Variants in DNAH5 observed in about 807,000 individuals in gnomAD.
DNAH5 encodes dynein axonemal heavy chain 5.
Under a neutral mutation model 518.2 loss-of-function variants are expected in DNAH5, and 372 were observed. The observed-to-expected ratio is 0.72, with a 90% CI of 0.66 to 0.78. The LOEUF is 0.78. Among genes scored for constraint, DNAH5 ranks in the 30% least tolerant of loss-of-function variants. The pLI is 0.00. For synonymous variants in DNAH5, 2,039 were observed against 2,025.9 expected, an observed-to-expected ratio of 1.01 and a Z score of -0.17; for missense variants, 5,523 against 5,687.0, an observed-to-expected ratio of 0.97 and a Z score of 0.93.
intron 1 of DNAH5, among the ~76,000 whole-genome samples, chr5:13,977,881 A>G (rs1403184050): frequency 1.3e-5 from 2 of 152,176 alleles, no homozygotes; most frequent in African/African-American, 4.8e-5. Flanking sequence ...CCACTGGGAA[A>G]GAGTCTCAAA....
chr5:13,807,211 C>T (rs1486409402), intron 47 of DNAH5, among the ~76,000 whole-genome samples: 11 of 152,092 alleles, frequency 7.2e-5, no homozygotes, highest in Non-Finnish European at 1.3e-4. Context: ...TTACAAAGTG[C>T]CTAGCCTAAA....
At chr5:13,893,641 C>A (rs1281517619) in intron 16 of DNAH5, among the ~76,000 whole-genome samples, 3 of 151,994 alleles carry the variant, frequency 2.0e-5, no homozygotes, top group South Asian at 2.1e-4. Flanking sequence ...AATTAAACAG[C>A]CTGATATTCA....
intron 38 of DNAH5, among the ~76,000 whole-genome samples, chr5:13,828,247 C>A (rs1044745009): frequency 6.6e-6 from 1 of 152,046 alleles, no homozygotes; most frequent in African/African-American, 2.4e-5. Flanking sequence ...TTAGGTTGAA[C>A]CTGTGGGTAT....
At chr5:13,809,446 G>A (rs1760237939) in intron 45 of DNAH5, among the ~76,000 whole-genome samples, 1 of 152,168 alleles carries the variant, frequency 6.6e-6, no homozygotes, top group African/African-American at 2.4e-5. Flanking sequence ...GTTTTCAATA[G>A]CATGAAATAT....
chr5:13,764,051 G>A (rs1038623855), intron 59 of DNAH5, among the ~76,000 whole-genome samples: 3 of 152,214 alleles, frequency 2.0e-5, no homozygotes, highest in Admixed American at 6.5e-5. Flanking sequence ...GAGCAATGCT[G>A]AATTGAAAAC....
intron 50 of DNAH5, 43 bp downstream of exon 50, chr5:13,791,951 T>G (rs754165812): frequency 6.9e-7 from 1 of 1,451,884 alleles, no homozygotes. Context: ...AATATATCAT[T>G]AATAGCAATG....
At chr5:13,733,708 T>C (rs559194350) in intron 68 of DNAH5, among the ~76,000 whole-genome samples, 17 of 152,182 alleles carry the variant, frequency 1.1e-4, no homozygotes, top group Admixed American at 2.6e-4. Context: ...GATATATATA[T>C]ACACACACAC....
At position 13,900,361 on chromosome 5, in the gene DNAH5, C is replaced by G; in HGVS notation, c.2104G>C (p.Gly702Arg). 6.2e-7 allele frequency: 1 copy of G among 1,614,158 alleles called. No homozygotes were observed. Among genetic ancestry groups the G allele is most frequent in the African/African-American group, 1.3e-5 (1 of 75,036 alleles). The change falls in exon 15 of 79, where the codon GGC (glycine) becomes CGC (arginine). Residue 702 changes from glycine to arginine, a missense_variant. This residue lies in a region of DNAH5 where 5,121 missense variants were observed against 5,223.3 expected (regional missense o/e 0.98). Coordinates refer to ENST00000265104, the MANE Select transcript of DNAH5 (RefSeq NM_001369.3). ...AAGTTTACAAACAATTCCCCTGTGC[C>G]TGGAGCCTTCACCAATAATGAAGCC... ...LEASLLVKAP[G>R]TGELFVNFDP...
intron 40 of DNAH5, among the ~76,000 whole-genome samples, chr5:13,821,025 T>C (rs1265575047): frequency 6.6e-6 from 1 of 152,058 alleles, no homozygotes; most frequent in Non-Finnish European, 1.5e-5. Flanking sequence ...TTAATTCTTC[T>C]TAAAAATGAT....
chr5:13,691,693 C>T lies in DNAH5; in HGVS notation c.*291G>A, dbSNP rs771015963. ...TGCTTACCCTAGTCAGTCTTCGGAG[C>T]GAAGTAAGAAGAAAATATACTACTG... On this transcript the variant is annotated 3_prime_UTR_variant, in exon 79 of 79. Transcript: ENST00000265104. 47 of 381,948 alleles carry T rather than the reference C, an allele frequency of 1.2e-4. No individual in the cohort carries two copies. Among genetic ancestry groups the T allele is most frequent in the Middle Eastern group, 7.8e-4 (1 of 1,290 alleles). The allele number at this position is 381,948 out of a possible 1,614,324, so 23.7% of individuals were successfully genotyped here.
chr5:13,975,693 A>T (rs2152061449), intron 1 of DNAH5, among the ~76,000 whole-genome samples: 1 of 152,304 alleles, frequency 6.6e-6, no homozygotes, highest in South Asian at 2.1e-4. Flanking sequence ...TGTCTAGTGG[A>T]TACTGAAGAT....
intron 16 of DNAH5, among the ~76,000 whole-genome samples, chr5:13,892,578 G>C (rs1376818258): frequency 1.3e-5 from 2 of 152,036 alleles, no homozygotes; most frequent in African/African-American, 4.8e-5. Context: ...AAACATAATA[G>C]AAAACAAGAA....
At chr5:13,905,678 T>G (rs1775197868) in intron 12 of DNAH5, among the ~76,000 whole-genome samples, 1 of 152,178 alleles carries the variant, frequency 6.6e-6, no homozygotes, top group African/African-American at 2.4e-5. Flanking sequence ...CCAGTGGGAA[T>G]GCAAAATGGT....
At chr5:13,807,414 T>C (rs909490037) in intron 47 of DNAH5, among the ~76,000 whole-genome samples, 177 bp downstream of exon 47, 14 of 152,238 alleles carry the variant, frequency 9.2e-5, no homozygotes, top group Non-Finnish European at 1.9e-4. Flanking sequence ...AGATGTTATA[T>C]TCTAACTAGG....
rs1744698005 is a variant in DNAH5 at position 13,719,072 on chromosome 5, A to C, written c.12309T>G (p.His4103Gln). 6.2e-7 allele frequency: 1 copy of C among 1,614,022 alleles called. No individual in the cohort carries two copies. Among genetic ancestry groups the C allele is most frequent in the African/African-American group, 1.3e-5 (1 of 74,932 alleles). Residue 4103 changes from histidine (H) to glutamine (Q), a missense_variant, in exon 72 of 79, where the codon CAT becomes CAG. Physicochemically the swap from His to Gln is conservative, Grantham distance 24. This residue lies in a region of DNAH5 where 5,121 missense variants were observed against 5,223.3 expected (regional missense o/e 0.98). Coordinates refer to ENST00000265104, the MANE Select transcript of DNAH5 (RefSeq NM_001369.3). ...GCTCATCCATGAAATCAAGTCCCAGATGGCAGTTCTGCAGAAGTGCCCATC... is the reference window on the plus strand; with the variant it reads ...GCTCATCCATGAAATCAAGTCCCAGCTGGCAGTTCTGCAGAAGTGCCCATC... The part of the protein sequence containing the change: ...NGGWALLQNC[H>Q]LGLDFMDELM...
At chr5:13,847,777 T>A (rs1424811170) in intron 31 of DNAH5, among the ~76,000 whole-genome samples, 1 of 150,188 alleles carries the variant, frequency 6.7e-6, no homozygotes, top group African/African-American at 2.5e-5. Context: ...CATGTGTGTG[T>A]GTGTGTCTGT....
intron 12 of DNAH5, among the ~76,000 whole-genome samples, chr5:13,903,386 T>G (rs1322471497): frequency 6.6e-6 from 1 of 151,882 alleles, no homozygotes; most frequent in African/African-American, 2.4e-5. Flanking sequence ...TTGGAAATCT[T>G]GGAAGAAGAA....
At chr5:13,804,105 A>G (rs541750816) in intron 47 of DNAH5, among the ~76,000 whole-genome samples, 1 of 152,328 alleles carries the variant, frequency 6.6e-6, no homozygotes, top group South Asian at 2.1e-4. Flanking sequence ...AAAAATTAAT[A>G]TTAGTTCGGG....
rs1740721418 is a variant in DNAH5 at position 13,691,777 on chromosome 5, A to G, written c.*207T>C. ...TAAATTTACTTTTATATCACTAAAT[A>G]ACATTTTCAACAAACTCAGACATTG... On this transcript the variant is annotated 3_prime_UTR_variant, in exon 79 of 79. Coordinates refer to ENST00000265104, the MANE Select transcript of DNAH5 (RefSeq NM_001369.3). The G allele has an allele frequency of 1.6e-6, 1 of 613,934 alleles. No homozygotes were observed. The highest frequency in any genetic ancestry group is 2.8e-6 in the Non-Finnish European group (1 of 355,964). The allele number at this position is 613,934 out of a possible 1,614,324, so 38.0% of individuals were successfully genotyped here.
Sources: gnomAD v4.1 joint callset for allele counts (sites outside exome capture counted in the v4.1 genomes callset) on GRCh38, gnomAD v4.1.1 for gene constraint, gnomAD v4.1.1 regional missense constraint, MANE v1.5 for transcripts, NCBI Gene and HGNC (gene_info 2026-07-23, HGNC 2026-07-21) for gene names.